The following LTBP1 variants were observed in gnomAD, a reference collection of about 807,000 sequenced individuals.
LTBP1 encodes latent transforming growth factor beta binding protein 1.
A neutral mutation model predicts 207.6 loss-of-function variants in LTBP1; 129 were observed. The ratio of observed to expected loss-of-function variants is 0.62; its 90% CI spans 0.54 to 0.72. The LOEUF (loss-of-function observed/expected upper bound fraction) is 0.72, where lower values mean the gene tolerates loss of function less well. Ranked by LOEUF, LTBP1 falls within the 30% of genes least tolerant of loss-of-function variation. The pLI, the probability that LTBP1 is intolerant of heterozygous loss-of-function variation, is 0.00. For missense variants in LTBP1, 2,281 were observed against 2,217.2 expected, an observed-to-expected ratio of 1.03 and a Z score of -0.58; for synonymous variants, 963 against 833.7, an observed-to-expected ratio of 1.16 and a Z score of -2.67.
At chr2:33,244,724 T>C (rs2092451230) in intron 10 of LTBP1, among the ~76,000 whole-genome samples, 1 of 152,204 alleles carries the variant, frequency 6.6e-6, no homozygotes, top group Non-Finnish European at 1.5e-5. Flanking sequence ...CTGAGTAGCA[T>C]GACTATAGAC....
At chr2:33,162,624 A>C (rs995114704) in intron 5 of LTBP1, among the ~76,000 whole-genome samples, 21 of 152,194 alleles carry the variant, frequency 1.4e-4, no homozygotes, top group African/African-American at 4.6e-4. Flanking sequence ...GGAAGATCTA[A>C]GCATAAATCA....
At chr2:33,042,517 G>C (rs2076239889) in intron 3 of LTBP1, among the ~76,000 whole-genome samples, 1 of 152,186 alleles carries the variant, frequency 6.6e-6, no homozygotes. Flanking sequence ...GATTCTTTTG[G>C]TTGCCAGTGG....
chr2:33,303,377 A>G (rs144710609), intron 22 of LTBP1, among the ~76,000 whole-genome samples: 4,954 of 140,092 alleles, frequency 0.035, 300 homozygotes, highest in African/African-American at 0.12. Context: ...TTGAGACGGA[A>G]TCTCGCTCTG....
At chr2:33,123,126 G>A (rs2081242435) in intron 4 of LTBP1, among the ~76,000 whole-genome samples, 1 of 152,226 alleles carries the variant, frequency 6.6e-6, no homozygotes, top group African/African-American at 2.4e-5. Flanking sequence ...AGAAAGAGGA[G>A]TGGGTGGGTC....
intron 5 of LTBP1, among the ~76,000 whole-genome samples, chr2:33,163,982 T>G (rs1270042919): frequency 2.0e-5 from 3 of 152,026 alleles, no homozygotes; most frequent in Non-Finnish European, 4.4e-5. Flanking sequence ...TTTTTTCTCT[T>G]AATATGTCTA....
At position 32,988,587 on chromosome 2, in the gene LTBP1, A is replaced by G. The variant is rs374475755; in HGVS notation, c.566-32322A>G. On this transcript the variant is annotated intron_variant, in intron 2 of 33. Coordinates refer to ENST00000404816, the MANE Select transcript of LTBP1 (RefSeq NM_206943.4). ...AGTAATTTTTAAGTTTTAGAAGAAC[A>G]ATAATCTATTCTTAGAGTTCACACC... Among the ~76,000 whole-genome samples, 55 of 152,378 alleles carry G rather than the reference A, an allele frequency of 3.6e-4. 1 individual carries two copies. In the South Asian group the frequency reaches 0.011, roughly 30 times the overall value.
At chr2:33,334,021 G>A (rs11898390) in intron 24 of LTBP1, among the ~76,000 whole-genome samples, 1 of 152,178 alleles carries the variant, frequency 6.6e-6, no homozygotes, top group African/African-American at 2.4e-5. Context: ...AGGAGAGAGT[G>A]GTCAACCGCA....
At chr2:33,296,375 TCACAGGGCAGTACTTGGACCCAA>T (rs2093875069) in intron 20 of LTBP1, among the ~76,000 whole-genome samples, 1 of 152,060 alleles carries the variant, frequency 6.6e-6, no homozygotes, top group Non-Finnish European at 1.5e-5. Flanking sequence ...TGAAGATTCT[TCACAGGGCAGTACTTGGACCCAA>T]GTACTTGTTC....
At chr2:33,061,639 T>G (rs1185894612) in intron 3 of LTBP1, among the ~76,000 whole-genome samples, 1 of 152,178 alleles carries the variant, frequency 6.6e-6, no homozygotes, top group East Asian at 1.9e-4. Context: ...GAATAAGCAG[T>G]TCATTCCTTT....
rs960768443 is a variant in LTBP1 at position 33,193,403 on chromosome 2, A to G, written c.1701+4552A>G. Among the ~76,000 whole-genome samples, 9 of 152,186 alleles carry G rather than the reference A, an allele frequency of 5.9e-5. No individual in the cohort carries two copies. In the South Asian group the frequency reaches 6.2e-4, roughly 11 times the overall value. ...GTGATCCACCCGCCTTGGCCTCCCA[A>G]AATGCTGGGATTACAGGCATGAGCC... On this transcript the variant is annotated intron_variant, in intron 7 of 33. Coordinates refer to ENST00000404816, the MANE Select transcript of LTBP1 (RefSeq NM_206943.4).
intron 4 of LTBP1, among the ~76,000 whole-genome samples, chr2:33,124,052 T>C (rs2081302017): frequency 6.6e-6 from 1 of 152,222 alleles, no homozygotes; most frequent in Non-Finnish European, 1.5e-5. Flanking sequence ...CACAATAACA[T>C]GTTTTAAAAA....
At chr2:33,283,144 G>A (rs999497109) in intron 19 of LTBP1, among the ~76,000 whole-genome samples, 5 of 150,318 alleles carry the variant, frequency 3.3e-5, no homozygotes, top group African/African-American at 9.8e-5. Flanking sequence ...TAGTGCTTAC[G>A]TCGTGCTTAC....
intron 3 of LTBP1, among the ~76,000 whole-genome samples, chr2:33,038,109 T>G (rs1233050662): frequency 6.6e-6 from 1 of 152,242 alleles, no homozygotes; most frequent in Non-Finnish European, 1.5e-5. Context: ...CCATTCAGGT[T>G]GCTTTTAATT....
At chr2:33,104,481 G>C (rs935611118) in intron 3 of LTBP1, among the ~76,000 whole-genome samples, 5 of 152,126 alleles carry the variant, frequency 3.3e-5, no homozygotes, top group Admixed American at 6.5e-5. Context: ...CAAACCCAGC[G>C]GCCTTTCCTA....
intron 2 of LTBP1, among the ~76,000 whole-genome samples, chr2:32,990,402 A>G (rs558644680): frequency 1.3e-5 from 2 of 152,290 alleles, no homozygotes; most frequent in South Asian, 2.1e-4. Flanking sequence ...TTTTAATGTA[A>G]TGTTAGTTGC....
chr2:33,390,863 A>G (rs1007535375), intron 32 of LTBP1, among the ~76,000 whole-genome samples: 1 of 152,126 alleles, frequency 6.6e-6, no homozygotes, highest in Non-Finnish European at 1.5e-5. Flanking sequence ...AATGCAGTGA[A>G]GCTTTTTTCT....
chr2:33,373,308 A>G (rs551908172), intron 31 of LTBP1, among the ~76,000 whole-genome samples: 1 of 152,388 alleles, frequency 6.6e-6, no homozygotes, highest in South Asian at 2.1e-4. Flanking sequence ...TGATCAACAT[A>G]CAGAGGCATG....
chr2:33,200,807 G>T (rs1478437107), intron 7 of LTBP1, among the ~76,000 whole-genome samples: 1 of 152,124 alleles, frequency 6.6e-6, no homozygotes, highest in Non-Finnish European at 1.5e-5. Context: ...CCATCAAAAA[G>T]TGGGCGAAGG....
At chr2:33,276,560 A>G (rs877672) in intron 18 of LTBP1, among the ~76,000 whole-genome samples, 2 of 152,082 alleles carry the variant, frequency 1.3e-5, no homozygotes, top group African/African-American at 4.8e-5. Flanking sequence ...TTTGAAACCA[A>G]TGTAGTGAGG....
Sources: gnomAD v4.1 joint callset for allele counts (sites outside exome capture counted in the v4.1 genomes callset) on GRCh38, gnomAD v4.1.1 for gene constraint, MANE v1.5 for transcripts, NCBI Gene and HGNC (gene_info 2026-07-23, HGNC 2026-07-21) for gene names.